Variants in ARHGAP42 observed in about 807,000 individuals in gnomAD.
ARHGAP42 encodes rho GTPase-activating protein 42.
In ARHGAP42, 63 loss-of-function variants were observed where a neutral mutation model predicts 125.0. The observed-to-expected ratio is 0.50, with a 90% CI of 0.41 to 0.62. The LOEUF (loss-of-function observed/expected upper bound fraction) is 0.62, where lower values mean the gene tolerates loss of function less well. ARHGAP42 is among the 20% of genes least tolerant of loss of function. The probability of loss-of-function intolerance (pLI) is 0.00; values close to 1 mark genes in which losing one functional copy is unlikely to be tolerated. For missense variants in ARHGAP42, 766 were observed against 1,024.2 expected, an observed-to-expected ratio of 0.75 and a Z score of 3.44; for synonymous variants, 339 against 351.0, an observed-to-expected ratio of 0.97 and a Z score of 0.38.
At chr11:100,984,742 G>C (rs1466452356) in intron 22 of ARHGAP42, among the ~76,000 whole-genome samples, 1 of 151,834 alleles carries the variant, frequency 6.6e-6, no homozygotes, top group Non-Finnish European at 1.5e-5. Context: ...ACTCTCCCAA[G>C]CAGTAAGAGG....
chr11:100,913,384 A>T, intron 4 of ARHGAP42, 68 bp from the exon 5 acceptor site: 1 of 552,858 alleles, frequency 1.8e-6, no homozygotes, highest in Non-Finnish European at 2.8e-6. Context: ...TTTGATGGGA[A>T]TGGTGAAAGT....
At chr11:100,952,092 A>T (rs1281247672) in intron 12 of ARHGAP42, among the ~76,000 whole-genome samples, 6 of 152,112 alleles carry the variant, frequency 3.9e-5, no homozygotes, top group Non-Finnish European at 8.8e-5. Context: ...TTTAAGTTTT[A>T]TTTTTAATAT....
At chr11:100,970,863 C>A (rs1272850620) in intron 17 of ARHGAP42, among the ~76,000 whole-genome samples, 1 of 152,024 alleles carries the variant, frequency 6.6e-6, no homozygotes, top group Non-Finnish European at 1.5e-5. Flanking sequence ...GCAAAGAATT[C>A]TCTGGGTTTC....
intron 5 of ARHGAP42, among the ~76,000 whole-genome samples, chr11:100,915,958 C>T (rs1428721584): frequency 1.3e-5 from 2 of 152,208 alleles, no homozygotes; most frequent in African/African-American, 2.4e-5. Flanking sequence ...CTGCTCCTTT[C>T]TAGAACAGCT....
intron 3 of ARHGAP42, among the ~76,000 whole-genome samples, chr11:100,849,441 C>T (rs565223530): frequency 2.6e-5 from 4 of 152,274 alleles, no homozygotes; most frequent in South Asian, 4.2e-4. Context: ...TGTGCTCAAA[C>T]GCCTGGGAAA....
intron 3 of ARHGAP42, among the ~76,000 whole-genome samples, chr11:100,802,162 A>G (rs1863869635): frequency 1.3e-5 from 2 of 152,298 alleles, no homozygotes; most frequent in African/African-American, 4.8e-5. Flanking sequence ...TTTTCTTTAG[A>G]TCACAGCTAA....
At chr11:100,797,571 T>C (rs1381623782) in intron 3 of ARHGAP42, among the ~76,000 whole-genome samples, 2 of 152,008 alleles carry the variant, frequency 1.3e-5, no homozygotes, top group South Asian at 4.2e-4. Context: ...TTACTGAGTA[T>C]TTTAAGTCCA....
intron 3 of ARHGAP42, among the ~76,000 whole-genome samples, chr11:100,821,840 T>C (rs924275998): frequency 1.3e-5 from 2 of 152,192 alleles, no homozygotes; most frequent in Non-Finnish European, 2.9e-5. Context: ...TGTGTATTCA[T>C]TCTTATTTTA....
Position 100,795,141 on chromosome 11 carries a change from C to G in ARHGAP42, c.287C>G (p.Ala96Gly). 6.5e-7 allele frequency: 1 copy of G among 1,543,788 alleles called. No individual in the cohort carries two copies. Among genetic ancestry groups the G allele is most frequent in the Non-Finnish European group, 8.7e-7 (1 of 1,143,468 alleles). ...SLKEFARLLI[A>G]VEEERRRLIQ... The stretch of plus-strand genomic sequence containing the variant: ...AAAGAATTTGCAAGACTACTCATTG[C>G]AGTAGAAGAAGAAAGGCGAAGACTG... Residue 96 changes from alanine (A) to glycine (G), a missense_variant, in exon 3 of 24, where the codon GCA becomes GGA. Ala to Gly is a moderately conservative substitution (Grantham distance 60, BLOSUM62 0). Around this residue, in one of 3 missense-constraint regions of ARHGAP42, gnomAD observed 455 missense variants for 636.5 expected, o/e 0.71. Coordinates refer to ENST00000298815, the MANE Select transcript of ARHGAP42 (RefSeq NM_152432.4).
intron 23 of ARHGAP42, 83 bp from the exon 24 acceptor site, chr11:100,988,630 G>C: frequency 8.9e-7 from 1 of 1,125,608 alleles, no homozygotes; most frequent in Middle Eastern, 2.1e-4. Context: ...CTGACAATCC[G>C]ATGTGGGTGT....
intron 17 of ARHGAP42, among the ~76,000 whole-genome samples, chr11:100,967,535 A>G (rs951652419): frequency 1.3e-5 from 2 of 152,184 alleles, no homozygotes; most frequent in African/African-American, 4.8e-5. Flanking sequence ...GATGTTTTTA[A>G]TTCAATAATA....
intron 3 of ARHGAP42, among the ~76,000 whole-genome samples, chr11:100,807,103 C>A (rs1480133040): frequency 1.3e-5 from 2 of 152,076 alleles, no homozygotes; most frequent in Admixed American, 1.3e-4. Flanking sequence ...CTGCCTTGGC[C>A]TCTCAAAGTC....
intron 1 of ARHGAP42, among the ~76,000 whole-genome samples, chr11:100,708,539 CA>C (rs756755701): frequency 4.6e-5 from 7 of 151,782 alleles, no homozygotes; most frequent in Non-Finnish European, 8.8e-5. Context: ...AAAAAACAAA[CA>C]AAAAATCCCC....
chr11:100,769,724 T>A (rs1205776764), intron 1 of ARHGAP42, among the ~76,000 whole-genome samples: 1 of 127,956 alleles, frequency 7.8e-6, no homozygotes, highest in Admixed American at 7.7e-5. Flanking sequence ...TTTTTTTTTT[T>A]TTTTTTTTTT....
intron 2 of ARHGAP42, among the ~76,000 whole-genome samples, chr11:100,776,092 G>T (rs1043681334): frequency 2.6e-5 from 4 of 151,562 alleles, no homozygotes; most frequent in African/African-American, 7.3e-5. Context: ...CTGGGAGGGG[G>T]TTGTTGCGGT....
intron 4 of ARHGAP42, among the ~76,000 whole-genome samples, chr11:100,899,118 G>A (rs1281538216): frequency 6.6e-6 from 1 of 152,204 alleles, no homozygotes; most frequent in Admixed American, 6.5e-5. Flanking sequence ...TCATTCAGGA[G>A]CAGGTTGTTC....
chr11:100,962,483 T>A lies in ARHGAP42; in HGVS notation c.1444+16T>A, dbSNP rs1347041183. 1.3e-6 allele frequency: 2 copies of A among 1,531,970 alleles called. No homozygotes were observed. Among genetic ancestry groups the A allele is most frequent in the African/African-American group, 1.4e-5 (1 of 72,614 alleles). The allele number at this position is 1,531,970 out of a possible 1,614,324, so 94.9% of individuals were successfully genotyped here. On this transcript the variant is annotated intron_variant, in intron 16 of 23. Transcript: ENST00000298815. ...ATTGCTGTTAGTAAGTATACTTGCA[T>A]CATATACACATTATAATTGATGTAG...
chr11:100,853,223 C>T (rs1185958180), intron 3 of ARHGAP42, among the ~76,000 whole-genome samples: 1 of 151,938 alleles, frequency 6.6e-6, no homozygotes, highest in Non-Finnish European at 1.5e-5. Context: ...CTAATTTGAC[C>T]TTTCACATAT....
At chr11:100,949,979 TA>T in intron 12 of ARHGAP42, 23 bp downstream of exon 12, 1 of 1,368,098 alleles carries the variant, frequency 7.3e-7, no homozygotes, top group South Asian at 1.3e-5. Context: ...AATAGTTATT[TA>T]AAATTTTATC....
Sources: gnomAD v4.1 joint callset for allele counts (sites outside exome capture counted in the v4.1 genomes callset) on GRCh38, gnomAD v4.1.1 for gene constraint, gnomAD v4.1.1 regional missense constraint, MANE v1.5 for transcripts, NCBI Gene and HGNC (gene_info 2026-07-23, HGNC 2026-07-21) for gene names.